The following MYCBP2 variants were observed in gnomAD, a reference collection of about 807,000 sequenced individuals.
MYCBP2 encodes E3 ubiquitin-protein ligase MYCBP2.
A neutral mutation model predicts 525.3 loss-of-function variants in MYCBP2; 120 were observed. That is an observed-to-expected ratio of 0.23 (90% CI 0.20 to 0.27). The LOEUF (loss-of-function observed/expected upper bound fraction) is 0.27. Ranked by LOEUF, MYCBP2 falls within the 10% of genes least tolerant of loss-of-function variation. The pLI is 1.00. For synonymous variants in MYCBP2, 1,894 were observed against 1,955.8 expected, an observed-to-expected ratio of 0.97 and a Z score of 0.83; for missense variants, 4,149 against 5,657.1, an observed-to-expected ratio of 0.73 and a Z score of 8.55.
At chr13:77,045,558 A>T in intron 82 of MYCBP2, 65 bp from the exon 83 acceptor site, 2 of 942,604 alleles carry the variant, frequency 2.1e-6, no homozygotes, top group Non-Finnish European at 3.4e-6. Flanking sequence ...TAAACCTCAC[A>T]GAAATATAAA....
At chr13:77,204,725 A>C (rs1480054762) in intron 26 of MYCBP2, among the ~76,000 whole-genome samples, 9 of 130,858 alleles carry the variant, frequency 6.9e-5, no homozygotes, top group African/African-American at 2.6e-4. Flanking sequence ...GCCATAAAAA[A>C]TGATGAGTTC....
At chr13:77,238,079 T>C (rs547842728) in intron 17 of MYCBP2, among the ~76,000 whole-genome samples, 3 of 151,430 alleles carry the variant, frequency 2.0e-5, no homozygotes, top group Admixed American at 6.6e-5. Flanking sequence ...CCATCTCTAG[T>C]AAAAATACAA....
intron 1 of MYCBP2, among the ~76,000 whole-genome samples, chr13:77,321,949 T>C (rs1043636334): frequency 5.3e-5 from 8 of 152,088 alleles, no homozygotes; most frequent in African/African-American, 1.9e-4. Context: ...TCACTTAAGC[T>C]CAGGAGTTCA....
At chr13:77,155,580 G>A (rs1043173804) in intron 46 of MYCBP2, among the ~76,000 whole-genome samples, 2 of 152,012 alleles carry the variant, frequency 1.3e-5, no homozygotes, top group Non-Finnish European at 2.9e-5. Flanking sequence ...CATCAATATG[G>A]TATACAACTA....
At chr13:77,073,243 G>A (rs896199834) in intron 68 of MYCBP2, among the ~76,000 whole-genome samples, 3 of 151,506 alleles carry the variant, frequency 2.0e-5, no homozygotes, top group Non-Finnish European at 2.9e-5. Flanking sequence ...ATTATCTTAC[G>A]GAATAAAAGA....
intron 1 of MYCBP2, among the ~76,000 whole-genome samples, chr13:77,325,004 T>A (rs1453754110): frequency 6.6e-6 from 1 of 152,256 alleles, no homozygotes; most frequent in Non-Finnish European, 1.5e-5. Context: ...AACAGACTTG[T>A]GCCATTCTGG....
chr13:77,090,668 T>G (rs1438251604), intron 59 of MYCBP2: 1 of 152,864 alleles, frequency 6.5e-6, no homozygotes, highest in African/African-American at 2.4e-5. Flanking sequence ...GAAGCAAAAT[T>G]TGGTTCCAAA....
At chr13:77,051,986 G>T in intron 80 of MYCBP2, 68 bp from the exon 81 acceptor site, 1 of 1,190,756 alleles carries the variant, frequency 8.4e-7, no homozygotes, top group Middle Eastern at 1.9e-4. Flanking sequence ...ATACAGTATG[G>T]GCATAGTGAA....
At chr13:77,194,627 G>A (rs2061584440) in intron 26 of MYCBP2, among the ~76,000 whole-genome samples, 1 of 152,066 alleles carries the variant, frequency 6.6e-6, no homozygotes, top group Non-Finnish European at 1.5e-5. Context: ...GAGGTAGAAT[G>A]TTGCTTCATC....
chr13:77,122,534 A>C (rs2050912164), intron 54 of MYCBP2, among the ~76,000 whole-genome samples: 1 of 151,928 alleles, frequency 6.6e-6, no homozygotes, highest in Non-Finnish European at 1.5e-5. Context: ...CTAAAAATAC[A>C]AAAAATTAGC....
intron 1 of MYCBP2, among the ~76,000 whole-genome samples, chr13:77,303,550 T>G (rs2079042105): frequency 6.6e-6 from 1 of 150,912 alleles, no homozygotes; most frequent in Non-Finnish European, 1.5e-5. Flanking sequence ...AAACGAGAAA[T>G]TAAAAAAAAA....
At chr13:77,302,901 C>G (rs969669517) in intron 1 of MYCBP2, among the ~76,000 whole-genome samples, 2 of 152,106 alleles carry the variant, frequency 1.3e-5, no homozygotes, top group Admixed American at 6.5e-5. Context: ...AACACAGCTT[C>G]AAAATATATA....
intron 23 of MYCBP2, among the ~76,000 whole-genome samples, chr13:77,210,708 A>G (rs1397156842): frequency 6.6e-6 from 1 of 152,206 alleles, no homozygotes; most frequent in Non-Finnish European, 1.5e-5. Flanking sequence ...CATAGTTAAT[A>G]ATAATTATGA....
chr13:77,172,517 C>A (rs185245428), intron 37 of MYCBP2, among the ~76,000 whole-genome samples: 1 of 152,108 alleles, frequency 6.6e-6, no homozygotes, highest in East Asian at 1.9e-4. Flanking sequence ...TTGTAGGAGA[C>A]CAATAGTGAA....
intron 4 of MYCBP2, among the ~76,000 whole-genome samples, chr13:77,274,213 T>A (rs1221701135): frequency 1.3e-5 from 2 of 152,122 alleles, no homozygotes; most frequent in East Asian, 3.8e-4. Context: ...CCTTTAATAA[T>A]GAAATTGAGA....
At chr13:77,276,985 G>A (rs1352133436) in intron 4 of MYCBP2, among the ~76,000 whole-genome samples, 10 of 151,860 alleles carry the variant, frequency 6.6e-5, no homozygotes, top group Admixed American at 2.6e-4. Flanking sequence ...TGGAAGATAA[G>A]ACTAAAGCAC....
intron 23 of MYCBP2, among the ~76,000 whole-genome samples, chr13:77,210,835 T>C (rs1001690946): frequency 3.3e-5 from 5 of 152,202 alleles, no homozygotes; most frequent in Admixed American, 2.0e-4. Flanking sequence ...CAAACACTTA[T>C]ATGGCACCTA....
intron 55 of MYCBP2, chr13:77,099,257 C>T: frequency 3.9e-6 from 2 of 509,294 alleles, no homozygotes; most frequent in South Asian, 2.3e-5. Flanking sequence ...TTGAACAAAT[C>T]CAGTGTGAAC....
At chr13:77,178,978 T>C (rs1283659735) in intron 34 of MYCBP2, among the ~76,000 whole-genome samples, 1 of 152,212 alleles carries the variant, frequency 6.6e-6, no homozygotes, top group African/African-American at 2.4e-5. Context: ...AGGGCTTCAA[T>C]CGTCTCTGAG....
Sources: gnomAD v4.1 joint callset for allele counts (sites outside exome capture counted in the v4.1 genomes callset) on GRCh38, gnomAD v4.1.1 for gene constraint, MANE v1.5 for transcripts, NCBI Gene and HGNC (gene_info 2026-07-23, HGNC 2026-07-21) for gene names.